GTF2E2: variants seen among roughly 807,000 people sequenced by gnomAD.
GTF2E2 encodes the protein transcription initiation factor IIE subunit beta.
A neutral mutation model predicts 40.5 loss-of-function variants in GTF2E2; 21 were observed. The ratio of observed to expected loss-of-function variants is 0.52; its 90% CI spans 0.37 to 0.75. The LOEUF is 0.75. Ranked by LOEUF, GTF2E2 falls within the 30% of genes least tolerant of loss-of-function variation. The probability of loss-of-function intolerance (pLI) is 0.00; values close to 1 mark genes in which losing one functional copy is unlikely to be tolerated. For synonymous variants in GTF2E2, 117 were observed against 121.6 expected (o/e 0.96, Z 0.25); for missense variants, 298 against 338.4 (o/e 0.88, Z 0.94).
At chr8:30,653,953 G>T (rs1476989826) in intron 1 of GTF2E2, among the ~76,000 whole-genome samples, 1 of 152,134 alleles carries the variant, frequency 6.6e-6, no homozygotes, top group East Asian at 1.9e-4. Context: ...GGCAGGCATG[G>T]TGATGTGTGC....
chr8:30,598,344 A>C (rs1161350161), intron 6 of GTF2E2, among the ~76,000 whole-genome samples: 2 of 152,220 alleles, frequency 1.3e-5, no homozygotes, highest in Non-Finnish European at 1.5e-5. Context: ...TTACCTACTT[A>C]AATAGTGGCA....
chr8:30,600,161 CA>C (rs1358533361), intron 6 of GTF2E2, among the ~76,000 whole-genome samples: 1 of 152,082 alleles, frequency 6.6e-6, no homozygotes, highest in Non-Finnish European at 1.5e-5. Flanking sequence ...GAATTCTCAT[CA>C]GAAACACCAA....
intron 7 of GTF2E2, among the ~76,000 whole-genome samples, 182 bp from the exon 8 acceptor site, chr8:30,579,219 T>C (rs551435093): frequency 1.7e-4 from 26 of 152,076 alleles, no homozygotes; most frequent in Non-Finnish European, 3.5e-4. Flanking sequence ...CCCGGGCCTT[T>C]GTTCCCCTGA....
chr8:30,582,580 T>C (rs1001915821), intron 6 of GTF2E2, among the ~76,000 whole-genome samples: 1 of 152,266 alleles, frequency 6.6e-6, no homozygotes, highest in Non-Finnish European at 1.5e-5. Context: ...CCCAGGATCC[T>C]GCCTGTCACA....
At chr8:30,655,596 A>G (rs1456515443) in intron 1 of GTF2E2, among the ~76,000 whole-genome samples, 4 of 152,202 alleles carry the variant, frequency 2.6e-5, no homozygotes, top group Non-Finnish European at 4.4e-5. Context: ...CCTTTATTAA[A>G]TATCTTGTTT....
intron 5 of GTF2E2, among the ~76,000 whole-genome samples, chr8:30,610,438 T>C (rs1829446848): frequency 8.3e-6 from 1 of 120,612 alleles, no homozygotes; most frequent in Non-Finnish European, 1.8e-5. Context: ...AGTGTGACTC[T>C]GTCTCAAAAA....
intron 2 of GTF2E2, 57 bp downstream of exon 2, chr8:30,653,376 G>A (rs1297360685): frequency 1.5e-6 from 2 of 1,342,036 alleles, no homozygotes; most frequent in Non-Finnish European, 2.1e-6. Context: ...ATAACTAAAC[G>A]GTTTCCTCCT....
intron 6 of GTF2E2, among the ~76,000 whole-genome samples, chr8:30,583,924 GC>G (rs1279161453): frequency 6.6e-6 from 1 of 151,944 alleles, no homozygotes; most frequent in Admixed American, 6.6e-5. Context: ...TCCTGTCTCA[GC>G]CTCCCGAGTA....
intron 1 of GTF2E2, chr8:30,657,044 T>A (rs1168514407): frequency 1.3e-5 from 2 of 152,174 alleles, no homozygotes; most frequent in African/African-American, 4.8e-5. Flanking sequence ...CCTGGAACGC[T>A]GGTAAAGGCC....
chr8:30,612,289 G>C lies in GTF2E2; in HGVS notation c.549+10C>G, dbSNP rs770648298. On this transcript the variant is annotated intron_variant, in intron 5 of 7. Coordinates refer to ENST00000355904, the MANE Select transcript of GTF2E2 (RefSeq NM_002095.6). Reference sequence around the variant, plus strand: ...ATTATATTAAGACATAGAAAGAAAAGAGAGATTACCTTGACAGCTTTCTGG... The same window carrying C: ...ATTATATTAAGACATAGAAAGAAAACAGAGATTACCTTGACAGCTTTCTGG... 4 of 1,536,492 alleles carry C rather than the reference G, an allele frequency of 2.6e-6. No homozygotes were observed. The highest frequency in any genetic ancestry group is 1.7e-4 in the Middle Eastern group (1 of 5,752).
At chr8:30,625,305 G>A (rs1329214967) in intron 3 of GTF2E2, among the ~76,000 whole-genome samples, 1 of 151,916 alleles carries the variant, frequency 6.6e-6, no homozygotes, top group Non-Finnish European at 1.5e-5. Flanking sequence ...TTTATATGCT[G>A]GATTACGTTT....
intron 3 of GTF2E2, among the ~76,000 whole-genome samples, chr8:30,632,372 T>C (rs1801463224): frequency 1.3e-5 from 2 of 152,208 alleles, no homozygotes; most frequent in African/African-American, 4.8e-5. Flanking sequence ...ATCTATTTAT[T>C]TGAAATTTAA....
intron 6 of GTF2E2, among the ~76,000 whole-genome samples, chr8:30,592,600 T>C (rs957194013): frequency 5.3e-5 from 8 of 152,206 alleles, no homozygotes; most frequent in Non-Finnish European, 8.8e-5. Flanking sequence ...ATATAACCTA[T>C]GCCTATCCTC....
At chr8:30,655,011 G>C (rs1434784769) in intron 1 of GTF2E2, among the ~76,000 whole-genome samples, 1 of 152,068 alleles carries the variant, frequency 6.6e-6, no homozygotes, top group Non-Finnish European at 1.5e-5. Context: ...GAGGCTGAGA[G>C]ACCAGCCTGG....
At chr8:30,580,998 A>C (rs1828501158) in intron 6 of GTF2E2, among the ~76,000 whole-genome samples, 1 of 152,210 alleles carries the variant, frequency 6.6e-6, no homozygotes, top group Non-Finnish European at 1.5e-5. Flanking sequence ...TGTCTTCAGA[A>C]ACCTGTAGTC....
At chr8:30,631,144 T>C (rs759337339) in intron 3 of GTF2E2, among the ~76,000 whole-genome samples, 5 of 152,156 alleles carry the variant, frequency 3.3e-5, no homozygotes, top group Non-Finnish European at 5.9e-5. Flanking sequence ...TCTCAGCCTC[T>C]AAAGTAGCTG....
intron 6 of GTF2E2, among the ~76,000 whole-genome samples, chr8:30,583,759 CAG>C (rs1378766144): frequency 6.6e-6 from 1 of 152,080 alleles, no homozygotes; most frequent in Non-Finnish European, 1.5e-5. Context: ...ATTTATTACA[CAG>C]ATAATCCATG....
intron 3 of GTF2E2, among the ~76,000 whole-genome samples, chr8:30,616,557 A>G (rs1212497644): frequency 6.6e-6 from 1 of 152,200 alleles, no homozygotes; most frequent in Non-Finnish European, 1.5e-5. Context: ...AATACTCAGG[A>G]GGATACTAGA....
chr8:30,655,736 G>C (rs1479223429), intron 1 of GTF2E2, among the ~76,000 whole-genome samples: 1 of 152,172 alleles, frequency 6.6e-6, no homozygotes, highest in Non-Finnish European at 1.5e-5. Context: ...GAAATAATCA[G>C]ACTGAATTTC....
Sources: allele counts gnomAD v4.1 joint callset (sites outside exome capture counted in the v4.1 genomes callset), GRCh38; gene constraint gnomAD v4.1.1; transcripts MANE v1.5; gene names NCBI Gene and HGNC (gene_info 2026-07-23, HGNC 2026-07-21).